ME3: variants seen among roughly 807,000 people sequenced by gnomAD.
The protein encoded by ME3 is NADP-dependent malic enzyme, mitochondrial.
In ME3, 48 loss-of-function variants were observed where a neutral mutation model predicts 68.9. The ratio of observed to expected loss-of-function variants is 0.70; its 90% CI spans 0.55 to 0.89. The LOEUF (loss-of-function observed/expected upper bound fraction) is 0.89, where lower values mean the gene tolerates loss of function less well. Ranked by LOEUF, ME3 falls within the 40% of genes least tolerant of loss-of-function variation. The pLI is 0.00. For synonymous variants in ME3, 320 were observed against 318.8 expected (o/e 1.00, Z -0.04); for missense variants, 675 against 797.4 (o/e 0.85, Z 1.85).
chr11:86,505,621 T>TCCA (rs1476228121), intron 5 of ME3, among the ~76,000 whole-genome samples: 1 of 152,208 alleles, frequency 6.6e-6, no homozygotes, highest in African/African-American at 2.4e-5. Context: ...TACAGCTGCC[T>TCCA]CCACCACCTC....
rs117452707 is a variant in ME3, at chr11:86,473,239, G to A, written c.810-8039C>T. On this transcript the variant is annotated intron_variant, in intron 7 of 14. Transcript: ENST00000543262. ...GAGCCACGCAATGGGCCGTGGTCGG[G>A]AGCATCAAATACTGCCAACATGTCA... Among the ~76,000 whole-genome samples the A allele has an allele frequency of 6.3e-3, 965 of 152,354 alleles. 4 individuals carry two copies. The highest frequency in any genetic ancestry group is 0.014 in the Middle Eastern group (4 of 294).
rs1366578834 is a variant in ME3, at chr11:86,452,999, TG to T, written c.920-2602del. Among the ~76,000 whole-genome samples the T allele has an allele frequency of 4.0e-5, 6 of 151,022 alleles. No homozygotes were observed. The East Asian group carries it at 9.6e-4, about 24-fold the overall frequency. Reference sequence around the variant, plus strand: ...TTGTTAGAGGTTTTGTTTTTGTTTTTGTTTTTGTTTTTAATTTCAGACAGAA... The same window carrying T: ...TTGTTAGAGGTTTTGTTTTTGTTTTTTTTTTGTTTTTAATTTCAGACAGAA... On this transcript the variant is annotated intron_variant, in intron 8 of 14. Transcript: ENST00000543262.
At chr11:86,605,353 TG>T (rs1961469916) in intron 2 of ME3, among the ~76,000 whole-genome samples, 1 of 152,234 alleles carries the variant, frequency 6.6e-6, no homozygotes, top group Admixed American at 6.5e-5. Flanking sequence ...ATTAGAAGGC[TG>T]GATGTGCTTC....
At chr11:86,561,180 C>T (rs1232787553) in intron 2 of ME3, among the ~76,000 whole-genome samples, 1 of 152,076 alleles carries the variant, frequency 6.6e-6, no homozygotes, top group African/African-American at 2.4e-5. Flanking sequence ...TGACATACTA[C>T]CCATAATGTA....
intron 2 of ME3, among the ~76,000 whole-genome samples, chr11:86,648,641 T>A (rs897712847): frequency 8.5e-5 from 13 of 152,190 alleles, no homozygotes; most frequent in African/African-American, 3.1e-4. Context: ...TAAAAAATGA[T>A]AAAGGGGATA....
At chr11:86,611,214 T>C (rs1942546686) in intron 2 of ME3, among the ~76,000 whole-genome samples, 1 of 151,744 alleles carries the variant, frequency 6.6e-6, no homozygotes, top group Non-Finnish European at 1.5e-5. Flanking sequence ...TAACAGAAAA[T>C]AGAATTGTGG....
chr11:86,543,711 C>T (rs1311322842), intron 4 of ME3, among the ~76,000 whole-genome samples: 1 of 152,156 alleles, frequency 6.6e-6, no homozygotes, highest in Non-Finnish European at 1.5e-5. Flanking sequence ...CAGCGGGAGA[C>T]TTTAACACCC....
rs142718208 is a variant in ME3, at chr11:86,449,922, G to C, written c.1098C>G (p.Ile366Met). 29 of 1,613,952 alleles carry C rather than the reference G, an allele frequency of 1.8e-5. No homozygotes were observed. The African/African-American group carries it at 3.6e-4, about 20-fold the overall frequency. The change falls in exon 10 of 15, where the codon ATC becomes ATG. Residue 366 changes from isoleucine to methionine, a missense_variant. Physicochemically the swap from Ile to Met is conservative, Grantham distance 10. Transcript: ENST00000543262. ...TGAGCCCTTTAGAGTCCACCATCCA[G>C]ATCTTTCTTGTGGCCTCTGCCTTCG...
At chr11:86,501,194 A>ATAC (rs1555215059) in intron 5 of ME3, among the ~76,000 whole-genome samples, 5 of 150,446 alleles carry the variant, frequency 3.3e-5, no homozygotes, top group South Asian at 2.1e-4. Context: ...AATAATAATA[A>ATAC]TACTTAACTC....
downstream of ME3, among the ~76,000 whole-genome samples, chr11:86,438,425 A>C (rs1189514319): frequency 6.6e-6 from 1 of 152,024 alleles, no homozygotes; most frequent in Non-Finnish European, 1.5e-5. Flanking sequence ...TTCATGAAGG[A>C]TATTGGCCTG....
chr11:86,572,484 T>A (rs1427502062), intron 2 of ME3, among the ~76,000 whole-genome samples: 2 of 152,152 alleles, frequency 1.3e-5, no homozygotes, highest in Admixed American at 1.3e-4. Context: ...CCTCCTTGTG[T>A]CCATGTGTCC....
chr11:86,595,363 C>T (rs898956748), intron 2 of ME3, among the ~76,000 whole-genome samples: 4 of 140,418 alleles, frequency 2.8e-5, no homozygotes, highest in South Asian at 2.4e-4. Context: ...GGTCCAGGCA[C>T]TTTGACTCAT....
chr11:86,565,594 A>G (rs1247266993), intron 2 of ME3, among the ~76,000 whole-genome samples: 1 of 152,226 alleles, frequency 6.6e-6, no homozygotes, highest in Non-Finnish European at 1.5e-5. Flanking sequence ...TGAACCTTGA[A>G]AACACTATGC....
intron 7 of ME3, among the ~76,000 whole-genome samples, chr11:86,474,755 T>C (rs773598653): frequency 5.2e-4 from 79 of 152,180 alleles, no homozygotes; most frequent in Non-Finnish European, 1.3e-4. Flanking sequence ...TCCAAGTAAA[T>C]GTCCCAGATC....
intron 2 of ME3, among the ~76,000 whole-genome samples, chr11:86,575,596 G>A (rs1217066063): frequency 8.4e-6 from 1 of 119,712 alleles, no homozygotes; most frequent in East Asian, 1.9e-4. Context: ...AGAGGACTTG[G>A]TTGCCTTTTA....
chr11:86,584,401 G>A (rs1958617884), intron 2 of ME3, among the ~76,000 whole-genome samples: 1 of 152,156 alleles, frequency 6.6e-6, no homozygotes, highest in Non-Finnish European at 1.5e-5. Flanking sequence ...ATGGAAAACA[G>A]TATGGAGGTT....
chr11:86,626,179 TGGAACCC>T (rs1367328936), intron 2 of ME3, among the ~76,000 whole-genome samples: 17 of 152,216 alleles, frequency 1.1e-4, no homozygotes, highest in Admixed American at 3.3e-4. Flanking sequence ...ATGTTGGGGC[TGGAACCC>T]TGTAAACCAC....
At chr11:86,485,989 T>C (rs1254156868) in intron 7 of ME3, among the ~76,000 whole-genome samples, 1 of 152,186 alleles carries the variant, frequency 6.6e-6, no homozygotes, top group Non-Finnish European at 1.5e-5. Flanking sequence ...CCTAGATAAC[T>C]AGGTCCCACT....
chr11:86,450,192 G>T, intron 9 of ME3, 109 bp downstream of exon 9: 1 of 1,124,440 alleles, frequency 8.9e-7, no homozygotes, highest in Non-Finnish European at 1.3e-6. Flanking sequence ...CAATATGTCT[G>T]TGCTGCTTCC....
Sources: gnomAD v4.1 joint callset for allele counts (sites outside exome capture counted in the v4.1 genomes callset) on GRCh38, gnomAD v4.1.1 for gene constraint, MANE v1.5 for transcripts, NCBI Gene and HGNC (gene_info 2026-07-23, HGNC 2026-07-21) for gene names.